TENM4: variants seen among roughly 807,000 people sequenced by gnomAD.
TENM4 encodes teneurin-4.
A neutral mutation model predicts 243.3 loss-of-function variants in TENM4; 82 were observed. The observed-to-expected ratio is 0.34, with a 90% CI of 0.28 to 0.40. The LOEUF is 0.40. Ranked by LOEUF, TENM4 falls within the 10% of genes least tolerant of loss-of-function variation. The pLI, the probability that TENM4 is intolerant of heterozygous loss-of-function variation, is 1.00. For synonymous variants in TENM4, 1,412 were observed against 1,456.3 expected, an observed-to-expected ratio of 0.97 and a Z score of 0.69; for missense variants, 3,138 against 3,673.3, an observed-to-expected ratio of 0.85 and a Z score of 3.77.
At chr11:78,904,187 T>C (rs368141485) in intron 6 of TENM4, among the ~76,000 whole-genome samples, 13 of 151,644 alleles carry the variant, frequency 8.6e-5, no homozygotes, top group South Asian at 8.3e-4. Context: ...GGTGAAACCC[T>C]GTCTCTACTA....
chr11:78,773,375 C>A (rs930455070), intron 17 of TENM4, among the ~76,000 whole-genome samples: 1 of 151,972 alleles, frequency 6.6e-6, no homozygotes, highest in African/African-American at 2.4e-5. Flanking sequence ...GTTTTGGGGG[C>A]GGTTAAGTAA....
chr11:79,066,930 G>T (rs980202875), intron 5 of TENM4, among the ~76,000 whole-genome samples: 1 of 152,328 alleles, frequency 6.6e-6, no homozygotes, highest in East Asian at 1.9e-4. Context: ...GCTGGCTCAG[G>T]CTGGGACAGC....
rs775901315 is a variant in TENM4, at chr11:78,669,448, G to A, written c.6897C>T (p.Arg2299=). The A allele has an allele frequency of 8.1e-6, 13 of 1,612,892 alleles. No homozygotes were observed. The highest frequency in any genetic ancestry group is 6.6e-5 in the South Asian group (6 of 90,916). The part of the protein sequence containing the change: ...VRYRYDGLGR[R]VSSKSSHSHH... ...GGCTGTGGCTGCTCTTGCTGGACAC[G>A]CGCCGCCCCAGGCCATCGTAGCGGT... Residue 2299 remains arginine (R), a synonymous_variant, in exon 32 of 34, where the codon CGC becomes CGT. Transcript: ENST00000278550. The surrounding 1 kb of genome is among the most constrained non-coding windows in gnomAD (Gnocchi z 6.4).
At chr11:79,154,011 G>C (rs867105180) in intron 3 of TENM4, among the ~76,000 whole-genome samples, 1 of 152,112 alleles carries the variant, frequency 6.6e-6, no homozygotes, top group South Asian at 2.1e-4. Context: ...GGTGTGAAAA[G>C]TTTTAAAAAC....
intron 17 of TENM4, among the ~76,000 whole-genome samples, chr11:78,773,374 G>T (rs1272079786): frequency 6.6e-6 from 1 of 152,128 alleles, no homozygotes; most frequent in Non-Finnish European, 1.5e-5. Flanking sequence ...GGTTTTGGGG[G>T]CGGTTAAGTA....
At position 78,692,018 on chromosome 11, in the gene TENM4, C is replaced by G. The variant is rs78155345; in HGVS notation, c.5088-3792G>C. Among the ~76,000 whole-genome samples the G allele has an allele frequency of 8.1e-3, 1,233 of 152,218 alleles. 10 individuals carry two copies. The highest frequency in any genetic ancestry group is 0.028 in the African/African-American group (1,167 of 41,510). ...GCCCTGTGAGCCACCTCTACAGAAC[C>G]CTTTCTTCTCCACCACAGAGCTGCC... On this transcript the variant is annotated intron_variant, in intron 28 of 33. Transcript: ENST00000278550.
intron 4 of TENM4, among the ~76,000 whole-genome samples, chr11:79,099,309 C>T (rs572946829): frequency 3.3e-5 from 5 of 152,228 alleles, no homozygotes; most frequent in South Asian, 2.1e-4. Flanking sequence ...TTGCAGGCCC[C>T]CCATATAGTC....
At chr11:79,169,235 C>T (rs1862985663) in intron 3 of TENM4, among the ~76,000 whole-genome samples, 1 of 152,188 alleles carries the variant, frequency 6.6e-6, no homozygotes, top group Non-Finnish European at 1.5e-5. Context: ...TGTTTTAAAA[C>T]ATCAAGTTTT....
Position 78,805,280 on chromosome 11 carries a change from C to CA in TENM4, c.2179+11_2179+12insT. 1 of 1,494,444 alleles carries CA rather than the reference C, an allele frequency of 6.7e-7. No individual in the cohort carries two copies. Among genetic ancestry groups the CA allele is most frequent in the Non-Finnish European group, 9.1e-7 (1 of 1,101,294 alleles). 92.6% of individuals were successfully genotyped at this position (1,494,444 alleles called of 1,614,324 possible). A position where few individuals can be genotyped will look rare whatever the true frequency, so the allele number is the denominator to read the frequency against. On this transcript the variant is annotated intron_variant, in intron 15 of 33. Coordinates refer to ENST00000278550, the MANE Select transcript of TENM4 (RefSeq NM_001098816.3). ...CTCCCTCTACCCATGCTTCTTCTCC[C>CA]CCTGCATTTACCGATAGAACAGTCG...
At chr11:79,014,192 A>G (rs369839286) in intron 6 of TENM4, among the ~76,000 whole-genome samples, 100 of 152,288 alleles carry the variant, frequency 6.6e-4, no homozygotes, top group African/African-American at 2.3e-3. Flanking sequence ...CGACTATAAC[A>G]AAAAGCTGCC....
chr11:78,817,802 C>A (rs888652229), intron 12 of TENM4, among the ~76,000 whole-genome samples: 8 of 152,128 alleles, frequency 5.3e-5, no homozygotes, highest in African/African-American at 1.9e-4. Flanking sequence ...TGGTTGTGAA[C>A]CCTTGGCCAT....
chr11:79,010,217 C>T (rs548078655), intron 6 of TENM4, among the ~76,000 whole-genome samples: 1 of 152,114 alleles, frequency 6.6e-6, no homozygotes, highest in African/African-American at 2.4e-5. Context: ...ACCTGGCTAC[C>T]TTTACATGAT....
chr11:79,150,926 T>C (rs1862496502), intron 3 of TENM4, among the ~76,000 whole-genome samples: 1 of 152,166 alleles, frequency 6.6e-6, no homozygotes, highest in Admixed American at 6.6e-5. Flanking sequence ...GAGGTAGACA[T>C]TATTAATATT....
intron 2 of TENM4, among the ~76,000 whole-genome samples, chr11:79,248,749 G>A (rs1014104554): frequency 6.6e-6 from 1 of 151,060 alleles, no homozygotes; most frequent in African/African-American, 2.5e-5. Context: ...TCTTCTGCTC[G>A]ATATGGTCAA....
chr11:78,995,556 G>C (rs149036237), intron 6 of TENM4, among the ~76,000 whole-genome samples: 101 of 152,288 alleles, frequency 6.6e-4, no homozygotes, highest in African/African-American at 2.3e-3. Flanking sequence ...ACAAACAAAT[G>C]CTATGGGTCA....
chr11:79,370,779 T>TAAAAAAAAAAA lies in TENM4; in HGVS notation c.-321+69719_-321+69729dup, dbSNP rs544196671. Reference sequence around the variant, plus strand: ...ACTCCTAAAGGCACAACTCCTATGGTAAAAAAAAAAAAAAAAAAAAAAAAA... The same window carrying TAAAAAAAAAAA: ...ACTCCTAAAGGCACAACTCCTATGGTAAAAAAAAAAAAAAAAAAAAAAAAAAAAAAAAAAAA... On this transcript the variant is annotated intron_variant, in intron 1 of 33. Transcript: ENST00000278550. 9.8e-4 allele frequency among the ~76,000 whole-genome samples: 56 copies of TAAAAAAAAAAA among 57,154 alleles called. 4 individuals are homozygous for TAAAAAAAAAAA. Among genetic ancestry groups the TAAAAAAAAAAA allele is most frequent in the African/African-American group, 2.1e-3 (35 of 16,976 alleles). The allele number at this position is 57,154 out of a possible 152,430, so 37.5% of individuals were successfully genotyped here.
chr11:79,415,233 A>G (rs1202603904), intron 1 of TENM4, among the ~76,000 whole-genome samples: 1 of 152,212 alleles, frequency 6.6e-6, no homozygotes, highest in African/African-American at 2.4e-5. Context: ...TGTGAAATTA[A>G]AGCATGTTTA....
intron 2 of TENM4, among the ~76,000 whole-genome samples, chr11:79,280,740 C>A (rs1302573789): frequency 6.6e-6 from 1 of 152,124 alleles, no homozygotes; most frequent in Non-Finnish European, 1.5e-5. Flanking sequence ...AAGGACATAT[C>A]TCTCCCAGGT....
At chr11:79,054,052 G>A (rs527362945) in intron 6 of TENM4, among the ~76,000 whole-genome samples, 1 of 152,270 alleles carries the variant, frequency 6.6e-6, no homozygotes, top group African/African-American at 2.4e-5. Context: ...AGAGATCCAG[G>A]TGGGTGCGTG....
Sources: gnomAD v4.1 joint callset for allele counts (sites outside exome capture counted in the v4.1 genomes callset) on GRCh38, gnomAD v4.1.1 for gene constraint, Gnocchi (gnomAD v3.1) non-coding constraint, MANE v1.5 for transcripts, NCBI Gene and HGNC (gene_info 2026-07-23, HGNC 2026-07-21) for gene names.